Variants in NFKBIZ observed in about 807,000 individuals in gnomAD.
NFKBIZ encodes NFKB inhibitor zeta.
In NFKBIZ, 19 loss-of-function variants were observed where a neutral mutation model predicts 76.8. The ratio of observed to expected loss-of-function variants is 0.25; its 90% CI spans 0.17 to 0.36. The LOEUF (loss-of-function observed/expected upper bound fraction) is 0.36, where lower values mean the gene tolerates loss of function less well. Among genes scored for constraint, NFKBIZ ranks in the 10% least tolerant of loss-of-function variants. The probability of loss-of-function intolerance (pLI) is 1.00; values close to 1 mark genes in which losing one functional copy is unlikely to be tolerated. For synonymous variants in NFKBIZ, 368 were observed against 354.8 expected (o/e 1.04, Z -0.42); for missense variants, 829 against 910.9 (o/e 0.91, Z 1.16).
Position 101,859,417 on chromosome 3 carries a change from G to A in NFKBIZ, c.*46G>A. On this transcript the variant is annotated 3_prime_UTR_variant, in exon 12 of 12. Transcript: ENST00000326172. ...GCTAGCAACACTCACTGTCAGTTAG[G>A]CAGTCCTGATGTATCTGTACATAGA... 6.6e-7 allele frequency: 1 copy of A among 1,523,566 alleles called. No homozygotes were observed. The highest frequency in any genetic ancestry group is 9.1e-7 in the Non-Finnish European group (1 of 1,097,796). The allele number at this position is 1,523,566 out of a possible 1,614,324, so 94.4% of individuals were successfully genotyped here.
chr3:101,848,447 T>C (rs1180513817), upstream of NFKBIZ, among the ~76,000 whole-genome samples: 1 of 152,228 alleles, frequency 6.6e-6, no homozygotes, highest in Non-Finnish European at 1.5e-5. Flanking sequence ...ATTTTCCTCC[T>C]GACCTCCTTT....
Position 101,849,741 on chromosome 3 carries a change from C to T in NFKBIZ, c.113C>T (p.Ala38Val), listed in dbSNP as rs946224747. The T allele has an allele frequency of 5.5e-6, 8 of 1,447,942 alleles. No individual in the cohort carries two copies. Among genetic ancestry groups the T allele is most frequent in the Non-Finnish European group, 7.2e-6 (8 of 1,105,384 alleles). 89.7% of individuals were successfully genotyped at this position (1,447,942 alleles called of 1,614,324 possible). A position where few individuals can be genotyped will look rare whatever the true frequency, so the allele number is the denominator to read the frequency against. ...CTCAACCTGAGCTACTTCTACGGCG[C>T]GTCGCCGCCCGCCGCCGCCCCGGGC... is the stretch of plus-strand genomic sequence containing the variant. ...SPLNLSYFYG[A>V]SPPAAAPGAC... is the part of the protein sequence containing the mutation. Residue 38 changes from alanine (A) to valine (V), a missense_variant, in exon 1 of 12, where the codon GCG becomes GTG. By Grantham distance (64) the Ala-to-Val change is moderately conservative. Around this residue, in one of 4 missense-constraint regions of NFKBIZ, gnomAD observed 181 missense variants for 175.3 expected, o/e 1.03. Transcript: ENST00000326172.
upstream of NFKBIZ, among the ~76,000 whole-genome samples, chr3:101,848,183 A>G (rs1265066757): frequency 6.6e-6 from 1 of 152,112 alleles, no homozygotes. Context: ...TTGCCTACCT[A>G]AAATTCATGT....
upstream of NFKBIZ, among the ~76,000 whole-genome samples, chr3:101,844,536 T>C (rs115484039): frequency 0.01 from 1,536 of 152,346 alleles, 24 homozygotes; most frequent in African/African-American, 0.035. Context: ...CGAAAAGTTA[T>C]TGTACATTTT....
chr3:101,833,033 ACT>A (rs1420330181), intron 2 of NFKBIZ, among the ~76,000 whole-genome samples: 2 of 152,246 alleles, frequency 1.3e-5, no homozygotes, highest in African/African-American at 4.8e-5. Flanking sequence ...CTATTAAAAC[ACT>A]GTCTCCTATT....
At chr3:101,854,171 G>C (rs1211084060) in intron 5 of NFKBIZ, among the ~76,000 whole-genome samples, 1 of 152,194 alleles carries the variant, frequency 6.6e-6, no homozygotes, top group South Asian at 2.1e-4. Context: ...GTTAGATCAT[G>C]ATTAGGGATA....
chr3:101,852,830 A>G (rs1942988501), intron 3 of NFKBIZ, 56 bp from the exon 4 acceptor site: 2 of 1,601,368 alleles, frequency 1.2e-6, no homozygotes, highest in Non-Finnish European at 8.5e-7. Context: ...GAGTGTAATT[A>G]TGGGTAACAT....
Position 101,852,747 on chromosome 3 carries a change from G to A in NFKBIZ, c.439G>A (p.Val147Met). 1 of 1,609,620 alleles carries A rather than the reference G, an allele frequency of 6.2e-7. No individual in the cohort carries two copies. Among genetic ancestry groups the A allele is most frequent in the Middle Eastern group, 1.7e-4 (1 of 5,936 alleles). The change falls in exon 3 of 12, where the codon GTG becomes ATG. Residue 147 changes from valine to methionine, a missense_variant. By Grantham distance (21) the Val-to-Met change is conservative. Coordinates refer to ENST00000326172, the MANE Select transcript of NFKBIZ (RefSeq NM_031419.4). ...QAVDDFKTQG[V>M]NIEQFRELKN... is the part of the protein sequence containing the mutation. The stretch of plus-strand genomic sequence containing the variant: ...ACTTTTTTCTTTATAGACACAAGGT[G>A]TGAACATAGAACAGTTCAGAGGTAA...
upstream of NFKBIZ, among the ~76,000 whole-genome samples, chr3:101,848,143 C>T (rs1329620356): frequency 6.6e-6 from 1 of 152,228 alleles, no homozygotes; most frequent in Non-Finnish European, 1.5e-5. Context: ...CTGGGCTCCT[C>T]ATCTTCTCTC....
chr3:101,829,399 C>T (rs1430158753), intron 1 of NFKBIZ, among the ~76,000 whole-genome samples: 1 of 152,204 alleles, frequency 6.6e-6, no homozygotes, highest in African/African-American at 2.4e-5. Context: ...AGGAGGCAAA[C>T]CCTTCTCTTT....
In NFKBIZ at chr3:101,852,742, A is replaced by G; in HGVS notation, c.434A>G (p.Gln145Arg). ...SGQAVDDFKTQGVNIEQFREL... is the reference protein window; with the variant it reads ...SGQAVDDFKTRGVNIEQFREL... ...TGGAAACTTTTTTCTTTATAGACAC[A>G]AGGTGTGAACATAGAACAGTTCAGA... The change falls in exon 3 of 12, where the codon CAA (glutamine) becomes CGA (arginine). Residue 145 changes from glutamine (Q) to arginine (R), a missense_variant. By Grantham distance (43) the Gln-to-Arg change is conservative. This residue lies in a region of NFKBIZ where 371 missense variants were observed against 332.3 expected (regional missense o/e 1.12). Transcript: ENST00000326172. The G allele has an allele frequency of 6.2e-7, 1 of 1,605,734 alleles. No homozygotes were observed. Among genetic ancestry groups the G allele is most frequent in the South Asian group, 1.1e-5 (1 of 89,142 alleles).
At position 101,841,583 on chromosome 3, in the gene NFKBIZ, A is replaced by T. The variant is rs922543922; in HGVS notation, c.-11-10502A>T. On this transcript the variant is annotated intron_variant, in intron 2 of 12. Transcript: ENST00000394054. ...TATGTGGTCTGATTTACTCATCTGCATTAGAAAAATCTGTTAGAATACCCT... is the reference window on the plus strand; with the variant it reads ...TATGTGGTCTGATTTACTCATCTGCTTTAGAAAAATCTGTTAGAATACCCT... Among the ~76,000 whole-genome samples the T allele has an allele frequency of 3.9e-5, 6 of 152,240 alleles. No individual in the cohort carries two copies. In the South Asian group the frequency reaches 1.0e-3, roughly 26 times the overall value.
At chr3:101,844,663 C>A (rs537711758), upstream of NFKBIZ, among the ~76,000 whole-genome samples, 2 of 152,234 alleles carry the variant, frequency 1.3e-5, no homozygotes, top group Admixed American at 6.5e-5. Flanking sequence ...GTCCATAGAT[C>A]TATCCATTTC....
chr3:101,854,500 GAT>G, intron 5 of NFKBIZ, 76 bp from the exon 6 acceptor site: 1 of 824,694 alleles, frequency 1.2e-6, no homozygotes. Context: ...GCTAAAGGAA[GAT>G]TTTTTTTTTT....
chr3:101,840,832 A>C (rs1420135612), intron 2 of NFKBIZ, among the ~76,000 whole-genome samples: 1 of 152,110 alleles, frequency 6.6e-6, no homozygotes, highest in Admixed American at 6.5e-5. Context: ...ATAGTGGACG[A>C]CTCACTCACA....
intron 2 of NFKBIZ, among the ~76,000 whole-genome samples, chr3:101,840,779 A>C (rs1180325978): frequency 6.6e-6 from 1 of 152,160 alleles, no homozygotes. Context: ...CCATCAGGGG[A>C]CAGACCTTGT....
chr3:101,855,245 GC>G (rs745475352), intron 7 of NFKBIZ, 37 bp downstream of exon 7: 1 of 1,601,312 alleles, frequency 6.2e-7, no homozygotes, highest in Non-Finnish European at 8.5e-7. Flanking sequence ...TCATTGCAAG[GC>G]CAGAGAGATA....
At position 101,852,888 on chromosome 3, in the gene NFKBIZ, T is replaced by C. The variant is rs1942989776; in HGVS notation, c.463T>C (p.Leu155=). ...AGGCTGTATTCCTTTGGGTACAGAA[T>C]TGAAGAACACAGTATCATACAGTGG... ...QGVNIEQFRE[L]KNTVSYSGKR... The change falls in exon 4 of 12, where the codon TTG becomes CTG. Residue 155 remains leucine (L), a splice_region_variant and synonymous_variant. Coordinates refer to ENST00000326172, the MANE Select transcript of NFKBIZ (RefSeq NM_031419.4). 6.2e-7 allele frequency: 1 copy of C among 1,613,752 alleles called. No homozygotes were observed. The highest frequency in any genetic ancestry group is 8.5e-7 in the Non-Finnish European group (1 of 1,179,750).
intron 9 of NFKBIZ, 65 bp downstream of exon 9, chr3:101,855,967 G>T: frequency 7.1e-7 from 1 of 1,403,710 alleles, no homozygotes; most frequent in East Asian, 2.3e-5. Context: ...AAAAGACCTT[G>T]CTTCCAAGTA....
Sources: allele counts gnomAD v4.1 joint callset (sites outside exome capture counted in the v4.1 genomes callset), GRCh38; gene constraint gnomAD v4.1.1; regional missense constraint gnomAD v4.1.1; transcripts MANE v1.5; gene names NCBI Gene and HGNC (gene_info 2026-07-23, HGNC 2026-07-21).